The following SEC24D variants were observed in gnomAD, a reference collection of about 807,000 sequenced individuals.
The protein encoded by SEC24D is protein transport protein Sec24D.
A neutral mutation model predicts 116.9 loss-of-function variants in SEC24D; 69 were observed. That is an observed-to-expected ratio of 0.59 (90% CI 0.49 to 0.72). SEC24D has a LOEUF of 0.72. Ranked by LOEUF, SEC24D falls within the 30% of genes least tolerant of loss-of-function variation. The pLI is 0.00. For missense variants in SEC24D, 1,131 were observed against 1,264.1 expected (o/e 0.89, Z 1.60); for synonymous variants, 405 against 442.8 (o/e 0.91, Z 1.07).
At chr4:118,811,717 A>G (rs967863962) in intron 6 of SEC24D, among the ~76,000 whole-genome samples, 1 of 151,772 alleles carries the variant, frequency 6.6e-6, no homozygotes, top group African/African-American at 2.4e-5. Context: ...CCATTACTTA[A>G]AATAAATCTC....
rs746117644 is a variant in SEC24D, at chr4:118,764,959, A to G, written c.1181-42T>C. The G allele has an allele frequency of 1.0e-5, 11 of 1,084,648 alleles. No individual in the cohort carries two copies. The South Asian group carries it at 1.4e-4, about 14-fold the overall frequency. 67.2% of individuals were successfully genotyped at this position (1,084,648 alleles called of 1,614,324 possible). On this transcript the variant is annotated intron_variant, in intron 9 of 22. Coordinates refer to ENST00000280551, the MANE Select transcript of SEC24D (RefSeq NM_014822.4). The stretch of plus-strand genomic sequence containing the variant: ...AGGAAAGAAAATATTTTGTTTTCAT[A>G]AACACAGACAATTTAGTAAGTTCTC...
At chr4:118,747,514 C>T (rs1398013323) in intron 13 of SEC24D, among the ~76,000 whole-genome samples, 1 of 152,034 alleles carries the variant, frequency 6.6e-6, no homozygotes, top group Non-Finnish European at 1.5e-5. Context: ...GATCCGCCCA[C>T]CTTGGCCTCC....
chr4:118,744,215 T>TA, intron 14 of SEC24D, 57 bp from the exon 15 acceptor site: 1 of 1,376,606 alleles, frequency 7.3e-7, no homozygotes, highest in Non-Finnish European at 9.7e-7. Context: ...GTTTTTGGTT[T>TA]AAATTTTAAA....
chr4:118,735,270 A>C (rs1336009637), intron 19 of SEC24D, among the ~76,000 whole-genome samples: 1 of 152,232 alleles, frequency 6.6e-6, no homozygotes, highest in Admixed American at 6.5e-5. Context: ...TAAAGAATGA[A>C]AGAAAACAAG....
At chr4:118,738,831 T>C (rs1355676384) in intron 18 of SEC24D, among the ~76,000 whole-genome samples, 1 of 152,194 alleles carries the variant, frequency 6.6e-6, no homozygotes, top group East Asian at 1.9e-4. Flanking sequence ...ATCGTCTCTG[T>C]CCATTAACCC....
At chr4:118,823,822 C>T (rs972839663) in intron 3 of SEC24D, among the ~76,000 whole-genome samples, 9 of 152,158 alleles carry the variant, frequency 5.9e-5, no homozygotes, top group Admixed American at 5.2e-4. Context: ...GTTTTTACTA[C>T]AGCTCTGCCT....
At chr4:118,727,089 T>C (rs1725455570) in intron 22 of SEC24D, among the ~76,000 whole-genome samples, 1 of 152,222 alleles carries the variant, frequency 6.6e-6, no homozygotes. Context: ...ACCAAGCTAG[T>C]GAGCTCCTTT....
chr4:118,815,812 T>C lies in SEC24D; in HGVS notation c.398-86A>G, dbSNP rs115576008. ...CAAAGTACATGACAGAGATGTTTGTTTTCCTGACATAAAGCAAGAGGACAC... is the reference window on the plus strand; with the variant it reads ...CAAAGTACATGACAGAGATGTTTGTCTTCCTGACATAAAGCAAGAGGACAC... On this transcript the variant is annotated intron_variant, in intron 4 of 22. Coordinates refer to ENST00000280551, the MANE Select transcript of SEC24D (RefSeq NM_014822.4). 78,295 of 1,441,980 alleles carry C rather than the reference T, an allele frequency of 0.054. 2,545 individuals are homozygous for C. The highest frequency in any genetic ancestry group is 0.064 in the Non-Finnish European group (67,713 of 1,058,436). The allele number at this position is 1,441,980 out of a possible 1,614,324, so 89.3% of individuals were successfully genotyped here.
intron 19 of SEC24D, 65 bp from the exon 20 acceptor site, chr4:118,732,977 T>A: frequency 7.5e-7 from 1 of 1,337,144 alleles, no homozygotes; most frequent in Non-Finnish European, 1.1e-6. Flanking sequence ...CTGAGCTTCA[T>A]CTGTAAGACT....
intron 8 of SEC24D, among the ~76,000 whole-genome samples, chr4:118,773,105 T>G (rs554273364): frequency 1.1e-3 from 162 of 152,258 alleles, no homozygotes; most frequent in African/African-American, 3.3e-3. Context: ...AAAAAAAAAC[T>G]TATTTTACAT....
intron 19 of SEC24D, chr4:118,733,170 G>A (rs901788968): frequency 1.1e-4 from 31 of 280,716 alleles, no homozygotes; most frequent in African/African-American, 6.4e-4. Context: ...TCACTGCTTA[G>A]GATGCAATCC....
chr4:118,743,329 AATAT>A (rs1473714036), intron 15 of SEC24D, among the ~76,000 whole-genome samples: 1 of 148,316 alleles, frequency 6.7e-6, no homozygotes, highest in Admixed American at 7.0e-5. Flanking sequence ...CCGAACCATA[AATAT>A]ATATGGTTCC....
At chr4:118,817,560 C>T (rs750760991) in intron 3 of SEC24D, 148 bp from the exon 4 acceptor site, 17 of 564,750 alleles carry the variant, frequency 3.0e-5, no homozygotes, top group Non-Finnish European at 4.7e-5. Flanking sequence ...TTTAATTAAG[C>T]TTGACATGAA....
At chr4:118,731,154 C>A in intron 21 of SEC24D, 162 bp downstream of exon 21, 1 of 639,250 alleles carries the variant, frequency 1.6e-6, no homozygotes, top group Non-Finnish European at 2.7e-6. Flanking sequence ...TAACTTTATA[C>A]CAGCTAATTG....
intron 6 of SEC24D, among the ~76,000 whole-genome samples, chr4:118,810,074 CTG>C (rs71595321): frequency 0.05 from 1,919 of 38,494 alleles, 21 homozygotes; most frequent in Middle Eastern, 0.056. Context: ...TCAGAGGTAG[CTG>C]TGTGTGTGTG....
chr4:118,778,892 G>A (rs1339065781), intron 8 of SEC24D, among the ~76,000 whole-genome samples: 1 of 152,258 alleles, frequency 6.6e-6, no homozygotes, highest in South Asian at 2.1e-4. Flanking sequence ...CTCATGATTT[G>A]ACTCTCTGTT....
intron 3 of SEC24D, among the ~76,000 whole-genome samples, chr4:118,818,035 C>A: frequency 6.6e-6 from 1 of 151,204 alleles, no homozygotes; most frequent in Non-Finnish European, 1.5e-5. Flanking sequence ...AGACCCTGTC[C>A]CAAAGAGAAA....
chr4:118,805,770 T>C, intron 7 of SEC24D, 73 bp downstream of exon 7: 1 of 787,384 alleles, frequency 1.3e-6, no homozygotes, highest in South Asian at 1.9e-5. Flanking sequence ...TATTGAAGGG[T>C]GTCAGTGTAT....
At chr4:118,817,089 A>G (rs1171165583) in intron 4 of SEC24D, among the ~76,000 whole-genome samples, 175 bp downstream of exon 4, 2 of 152,224 alleles carry the variant, frequency 1.3e-5, no homozygotes, top group South Asian at 2.1e-4. Flanking sequence ...CATGATCAAG[A>G]AAACAATTAA....
Sources: gnomAD v4.1 joint callset for allele counts (sites outside exome capture counted in the v4.1 genomes callset) on GRCh38, gnomAD v4.1.1 for gene constraint, MANE v1.5 for transcripts, NCBI Gene and HGNC (gene_info 2026-07-23, HGNC 2026-07-21) for gene names.